The following WBP2 variants were observed in gnomAD, a reference collection of about 807,000 sequenced individuals.
WBP2 encodes the protein WW domain-binding protein 2.
Under a neutral mutation model 33.0 loss-of-function variants are expected in WBP2, and 23 were observed. The ratio of observed to expected loss-of-function variants is 0.70; its 90% CI spans 0.50 to 0.99. The LOEUF (loss-of-function observed/expected upper bound fraction) is 0.99. WBP2 is among the 50% of genes least tolerant of loss of function. WBP2 has a pLI of 0.00. For synonymous variants in WBP2, 153 were observed against 133.5 expected (o/e 1.15, Z -1.01); for missense variants, 353 against 358.0 (o/e 0.99, Z 0.11).
chr17:75,847,067 C>T (rs544231374), intron 6 of WBP2, 83 bp from the exon 7 acceptor site: 1,417 of 1,510,608 alleles, frequency 9.4e-4, no homozygotes, highest in Non-Finnish European at 1.1e-3. Flanking sequence ...CCCCATGGCT[C>T]GGGGCAGCTG....
rs1467486738 is a variant in WBP2, at chr17:75,851,694, G to A, written c.60-18C>T. On this transcript the variant is annotated intron_variant, in intron 1 of 7. Transcript: ENST00000254806. ...TTAGGATGCTGTGATGAGAAAAGAG[G>A]AAAAGCCTCAATGAGACAGTATGGA... is the stretch of plus-strand genomic sequence containing the variant. 8.8e-6 allele frequency: 14 copies of A among 1,597,310 alleles called. No homozygotes were observed. The South Asian group carries it at 1.2e-4, about 14-fold the overall frequency.
rs749784833 is a variant in WBP2, at chr17:75,847,873, G to A, written c.455C>T (p.Ala152Val). ...GGCGACTGGCGGGGGATAGACATAG[G>A]CCCCGCTGGGCATGTAAGAGTAGCC... ...AYGYSYMPSG[A>V]YVYPPPVANG... Residue 152 changes from alanine to valine, a missense_variant, in exon 5 of 8, where the codon GCC becomes GTC. Physicochemically the swap from Ala to Val is moderately conservative, Grantham distance 64. Transcript: ENST00000254806. 26 of 1,555,908 alleles carry A rather than the reference G, an allele frequency of 1.7e-5. No homozygotes were observed. Among genetic ancestry groups the A allele is most frequent in the Admixed American group, 9.7e-5 (5 of 51,428 alleles).
intron 4 of WBP2, chr17:75,848,249 A>G (rs2065007174): frequency 1.7e-6 from 1 of 581,940 alleles, no homozygotes; most frequent in Non-Finnish European, 3.1e-6. Context: ...TCCCTCGGTC[A>G]TTTTCAATGG....
chr17:75,847,583 C>T lies in WBP2; in HGVS notation c.559G>A (p.Asp187Asn). 1 of 1,611,398 alleles carries T rather than the reference C, an allele frequency of 6.2e-7. No homozygotes were observed. The highest frequency in any genetic ancestry group is 8.5e-7 in the Non-Finnish European group (1 of 1,178,620). ...GGCTGCACGTATCCCATGGCCCCGT[C>T]CATCATGGGGGGTCCTGGATAGAAC... ...PEFYPGPPMM[D>N]GAMGYVQPPP... The change falls in exon 6 of 8, where the codon GAC (aspartate) becomes AAC (asparagine). Residue 187 changes from aspartate (D) to asparagine (N), a missense_variant. By Grantham distance (23) the Asp-to-Asn change is conservative. Transcript: ENST00000254806.
At chr17:75,855,137 T>C (rs1040277811) in intron 1 of WBP2, 102 bp downstream of exon 1, 17 of 902,830 alleles carry the variant, frequency 1.9e-5, no homozygotes, top group Non-Finnish European at 2.7e-5. Flanking sequence ...ACTCCATCAG[T>C]GCTCCCTCTT....
At chr17:75,851,855 A>G (rs2065029869) in intron 1 of WBP2, 179 bp from the exon 2 acceptor site, 3 of 453,722 alleles carry the variant, frequency 6.6e-6, no homozygotes, top group Admixed American at 6.0e-5. Flanking sequence ...TAATCCCAGC[A>G]CTTTGGGAGG....
Position 75,855,103 on chromosome 17 carries a change from C to A in WBP2, c.59+136G>T, listed in dbSNP as rs1463574648. On this transcript the variant is annotated intron_variant, in intron 1 of 7. Transcript: ENST00000254806. ...CCCACCCACCTTCCTCCAACCCCGC[C>A]CCCAGCCGTTCCCCACCAACCTCAC... 4.8e-6 allele frequency: 3 copies of A among 625,172 alleles called. No homozygotes were observed. The African/African-American group carries it at 5.6e-5, about 12-fold the overall frequency. 38.7% of individuals were successfully genotyped at this position (625,172 alleles called of 1,614,324 possible).
chr17:75,855,299 G>A lies in WBP2; in HGVS notation c.-2C>T. 1 of 1,612,156 alleles carries A rather than the reference G, an allele frequency of 6.2e-7. No homozygotes were observed. The highest frequency in any genetic ancestry group is 8.5e-7 in the Non-Finnish European group (1 of 1,179,928). Reference sequence around the variant, plus strand: ...CGAGTGATTCTTGTTGAGCGCCATAGTCTCTCCAACAGGGGTCCCGAGACT... The same window carrying A: ...CGAGTGATTCTTGTTGAGCGCCATAATCTCTCCAACAGGGGTCCCGAGACT... On this transcript the variant is annotated 5_prime_UTR_variant, in exon 1 of 8. Transcript: ENST00000254806.
At chr17:75,855,218 A>T in intron 1 of WBP2, 21 bp downstream of exon 1, 1 of 1,480,996 alleles carries the variant, frequency 6.8e-7, no homozygotes, top group Non-Finnish European at 9.0e-7. Flanking sequence ...GTCCTCCAGG[A>T]TCCTTCCGCA....
intron 1 of WBP2, chr17:75,852,655 C>T (rs946212481): frequency 7.1e-6 from 2 of 281,148 alleles, no homozygotes; most frequent in East Asian, 1.7e-4. Context: ...CGGGGTTTCA[C>T]CGTGTTAGCC....
In WBP2 at chr17:75,852,979, G is replaced by A. The variant is rs1471522267; in HGVS notation, c.60-1303C>T. On this transcript the variant is annotated intron_variant, in intron 1 of 7. Transcript: ENST00000254806. ...ATATGTGCATTTTTCTGGGAGGAGA[G>A]TCCACAGCTTTCATCATTGTCAAAG... Among the ~76,000 whole-genome samples, 5 of 152,164 alleles carry A rather than the reference G, an allele frequency of 3.3e-5. No homozygotes were observed. The South Asian group carries it at 6.2e-4, about 19-fold the overall frequency.
intron 1 of WBP2, 131 bp downstream of exon 1, chr17:75,855,106 CAG>C: frequency 1.2e-5 from 8 of 647,558 alleles, no homozygotes; most frequent in South Asian, 7.3e-5. Flanking sequence ...ACCCCGCCCC[CAG>C]CCGTTCCCCA....
upstream of WBP2, chr17:75,856,367 C>G (rs1247716776): frequency 6.6e-6 from 1 of 152,224 alleles, no homozygotes; most frequent in African/African-American, 2.4e-5. Context: ...CAGTAGACAG[C>G]TGCTTTCCTG....
At chr17:75,853,841 C>T (rs953416156) in intron 1 of WBP2, among the ~76,000 whole-genome samples, 3 of 151,832 alleles carry the variant, frequency 2.0e-5, no homozygotes, top group African/African-American at 7.3e-5. Context: ...GTCAGGAGTT[C>T]GAGACCAGCC....
At chr17:75,851,316 T>G in intron 2 of WBP2, 1 of 392,406 alleles carries the variant, frequency 2.5e-6, no homozygotes, top group Non-Finnish European at 4.9e-6. Context: ...TCCAACTCTA[T>G]AGAGATTTTG....
chr17:75,850,433 G>A (rs2065021481), intron 2 of WBP2, among the ~76,000 whole-genome samples: 1 of 152,088 alleles, frequency 6.6e-6, no homozygotes, highest in Admixed American at 6.6e-5. Flanking sequence ...TTTTAGGAGA[G>A]ATGGGGTTTC....
rs2065051436 is a variant in WBP2 at position 75,855,253 on chromosome 17, G to C, written c.45C>G (p.Val15=). 6.5e-7 allele frequency: 1 copy of C among 1,546,504 alleles called. No individual in the cohort carries two copies. Among genetic ancestry groups the C allele is most frequent in the Non-Finnish European group, 8.8e-7 (1 of 1,141,412 alleles). ...AGTGTTTTCACCTCTCGGTGTTATT[G>C]ACGATCACTCCGCCGCCCTCCGAGT... is the stretch of plus-strand genomic sequence containing the variant. ...KNHSEGGGVI[V]NNTESILMSY... The change falls in exon 1 of 8, where the codon GTC becomes GTG. Residue 15 remains valine, a synonymous_variant. Transcript: ENST00000254806.
chr17:75,846,855 G>A lies in WBP2; in HGVS notation c.732+53C>T. Reference sequence around the variant, plus strand: ...AACATGGTGCGGTCATCCCCCTGCGGCTCCCAGCATCTGCGGCTGTGGGGC... The same window carrying A: ...AACATGGTGCGGTCATCCCCCTGCGACTCCCAGCATCTGCGGCTGTGGGGC... On this transcript the variant is annotated intron_variant, in intron 7 of 7. Coordinates refer to ENST00000254806, the MANE Select transcript of WBP2 (RefSeq NM_012478.4). The surrounding 1 kb of genome is among the most constrained non-coding windows in gnomAD (Gnocchi z 4.8). 1.2e-6 allele frequency: 2 copies of A among 1,612,944 alleles called. No homozygotes were observed. Among genetic ancestry groups the A allele is most frequent in the South Asian group, 2.2e-5 (2 of 90,926 alleles).
chr17:75,847,482 C>T lies in WBP2; in HGVS notation c.655+5G>A, dbSNP rs2065000631. On this transcript the variant is annotated splice_donor_5th_base_variant and intron_variant, in intron 6 of 7. Coordinates refer to ENST00000254806, the MANE Select transcript of WBP2 (RefSeq NM_012478.4). ...GAAGGGCTGCCAGCACCCAAGGGCC[C>T]TCACCTGCAGGAGTGGAGGGGACAT... The T allele has an allele frequency of 6.3e-7, 1 of 1,591,144 alleles. No individual in the cohort carries two copies. Among genetic ancestry groups the T allele is most frequent in the Non-Finnish European group, 8.5e-7 (1 of 1,169,772 alleles).
Sources: allele counts gnomAD v4.1 joint callset (sites outside exome capture counted in the v4.1 genomes callset), GRCh38; gene constraint gnomAD v4.1.1; non-coding constraint Gnocchi (gnomAD v3.1); transcripts MANE v1.5; gene names NCBI Gene and HGNC (gene_info 2026-07-23, HGNC 2026-07-21).